The following PEX7 variants were observed in gnomAD, a reference collection of about 807,000 sequenced individuals.
PEX7 encodes the protein PTS2 receptor.
A neutral mutation model predicts 47.5 loss-of-function variants in PEX7; 34 were observed. The ratio of observed to expected loss-of-function variants is 0.72; its 90% confidence interval spans 0.54 to 0.95. PEX7 has a LOEUF of 0.95. Among genes scored for constraint, PEX7 ranks in the 40% least tolerant of loss-of-function variants. The probability of loss-of-function intolerance (pLI) is 0.00; values close to 1 mark genes in which losing one functional copy is unlikely to be tolerated. For synonymous variants in PEX7, 141 were observed against 148.8 expected (o/e 0.95, Z 0.38); for missense variants, 394 against 400.3 (o/e 0.98, Z 0.13).
intron 9 of PEX7, chr6:136,901,318 G>A (rs1364808488): frequency 6.6e-6 from 1 of 152,198 alleles, no homozygotes; most frequent in East Asian, 1.9e-4. Flanking sequence ...CCAGGACTTA[G>A]TGGCGTAAAA....
intron 5 of PEX7, chr6:136,855,630 G>A (rs987389041): frequency 7.6e-5 from 19 of 249,566 alleles, no homozygotes; most frequent in Admixed American, 4.3e-4. Context: ...ATGAGCCACC[G>A]TGCCCGGCCT....
In PEX7 at chr6:136,855,051, G is replaced by A. The variant is rs77376863; in HGVS notation, c.526+8870G>A. Among the ~76,000 whole-genome samples, 400 of 151,200 alleles carry A rather than the reference G, an allele frequency of 2.6e-3. 2 individuals are homozygous for A. Among genetic ancestry groups the A allele is most frequent in the African/African-American group, 8.5e-3 (351 of 41,126 alleles). ...TGCAGTGAGCCGAGATAGCGCCACC[G>A]TACCCCAGCCTGGGCAACAGAGCAA... On this transcript the variant is annotated intron_variant, in intron 5 of 9. Transcript: ENST00000318471.
At chr6:136,858,350 CT>C (rs1774899774) in intron 5 of PEX7, among the ~76,000 whole-genome samples, 1 of 152,144 alleles carries the variant, frequency 6.6e-6, no homozygotes, top group Non-Finnish European at 1.5e-5. Flanking sequence ...TGTATATGTG[CT>C]GTAACAGTGG....
Position 136,846,197 on chromosome 6 carries a change from T to G in PEX7, c.526+16T>G. The G allele has an allele frequency of 6.5e-7, 1 of 1,530,912 alleles. No individual in the cohort carries two copies. The highest frequency in any genetic ancestry group is 1.1e-5 in the South Asian group (1 of 88,908). 94.8% of individuals were successfully genotyped at this position (1,530,912 alleles called of 1,614,324 possible). A position where few individuals can be genotyped will look rare whatever the true frequency, so the allele number is the denominator to read the frequency against. ...TCAGCCTCAGGTAAATTATTCTGTA[T>G]TTACCAAAAGCCTTACTTGTAGTGA... On this transcript the variant is annotated intron_variant, in intron 5 of 9. Transcript: ENST00000318471.
chr6:136,835,868 G>A (rs947295553), intron 3 of PEX7, among the ~76,000 whole-genome samples: 1 of 152,086 alleles, frequency 6.6e-6, no homozygotes, highest in African/African-American at 2.4e-5. Context: ...TAACCTCAAA[G>A]TTTCTAAAAT....
chr6:136,827,182 A>G lies in PEX7; in HGVS notation c.339+713A>G, dbSNP rs74804829. Among the ~76,000 whole-genome samples the G allele has an allele frequency of 3.0e-3, 451 of 152,328 alleles. 3 individuals carry two copies. The highest frequency in any genetic ancestry group is 0.01 in the African/African-American group (433 of 41,562). ...AGTGCCTGGCCCGAGAAGGCCCTCA[A>G]TAAATGCTTATTAGATGCAAGAATA... On this transcript the variant is annotated intron_variant, in intron 3 of 9. Coordinates refer to ENST00000318471, the MANE Select transcript of PEX7 (RefSeq NM_000288.4).
At chr6:136,836,680 T>C (rs1171367999) in intron 3 of PEX7, among the ~76,000 whole-genome samples, 1 of 152,036 alleles carries the variant, frequency 6.6e-6, no homozygotes, top group Non-Finnish European at 1.5e-5. Context: ...GGCCTGGGCA[T>C]AGTGGTTCAC....
At chr6:136,858,439 G>A (rs1311636316) in intron 5 of PEX7, among the ~76,000 whole-genome samples, 1 of 152,200 alleles carries the variant, frequency 6.6e-6, no homozygotes, top group African/African-American at 2.4e-5. Flanking sequence ...GGAAAGCATG[G>A]TTGTATAGTA....
chr6:136,906,892 A>G (rs1775854546), intron 9 of PEX7, among the ~76,000 whole-genome samples: 4 of 152,190 alleles, frequency 2.6e-5, no homozygotes, highest in Admixed American at 2.6e-4. Context: ...AACCTTCAAG[A>G]GGAAGCCCAT....
intron 3 of PEX7, among the ~76,000 whole-genome samples, chr6:136,835,791 TA>T (rs1774375102): frequency 1.3e-5 from 2 of 152,330 alleles, no homozygotes; most frequent in South Asian, 4.1e-4. Context: ...AATATAGATT[TA>T]AAAAACCTTT....
chr6:136,872,298 A>T, intron 8 of PEX7, 45 bp downstream of exon 8: 1 of 1,491,348 alleles, frequency 6.7e-7, no homozygotes, highest in Non-Finnish European at 9.3e-7. Flanking sequence ...ACCAGGTAAC[A>T]TTTGCATCTT....
chr6:136,909,529 G>C (rs182140137), intron 9 of PEX7, among the ~76,000 whole-genome samples: 162 of 152,246 alleles, frequency 1.1e-3, no homozygotes, highest in African/African-American at 3.1e-3. Context: ...TCCTTACCAG[G>C]AAGTTCCTAC....
chr6:136,850,149 G>C (rs1032742566), intron 5 of PEX7, among the ~76,000 whole-genome samples: 2 of 151,696 alleles, frequency 1.3e-5, no homozygotes, highest in African/African-American at 4.8e-5. Flanking sequence ...TAAAAAAAAA[G>C]TCTGTTTTAT....
chr6:136,911,394 G>A (rs955063090), intron 9 of PEX7, among the ~76,000 whole-genome samples: 5 of 152,052 alleles, frequency 3.3e-5, no homozygotes, highest in African/African-American at 1.2e-4. Flanking sequence ...TCTTTTGTTA[G>A]TGGGTATTTT....
In PEX7 at chr6:136,872,271, A is replaced by G. The variant is rs756108456; in HGVS notation, c.803+18A>G. The G allele has an allele frequency of 3.1e-6, 5 of 1,598,074 alleles. No individual in the cohort carries two copies. The stretch of plus-strand genomic sequence containing the variant: ...ACTGTAAGGTACAGTGGTTTTTAAT[A>G]CATTTCATTGTGAAATACCAGGTAA... On this transcript the variant is annotated intron_variant, in intron 8 of 9. Transcript: ENST00000318471.
rs767644109 is a variant in PEX7, at chr6:136,868,928, G to A, written c.634-962G>A. On this transcript the variant is annotated intron_variant, in intron 6 of 9. Coordinates refer to ENST00000318471, the MANE Select transcript of PEX7 (RefSeq NM_000288.4). The stretch of plus-strand genomic sequence containing the variant: ...ACATTCTTGGATATGATTAGATATC[G>A]TATTAAGAATTTTGGTCCAAGAGAG... Among the ~76,000 whole-genome samples the A allele has an allele frequency of 1.1e-4, 16 of 152,204 alleles. 1 individual carries two copies. The South Asian group carries it at 1.7e-3, about 16-fold the overall frequency.
chr6:136,880,359 A>T (rs1775355122), intron 8 of PEX7, among the ~76,000 whole-genome samples: 2 of 152,082 alleles, frequency 1.3e-5, no homozygotes, highest in South Asian at 4.1e-4. Flanking sequence ...AAAATCTGTA[A>T]TCTAATCTTT....
rs945801055 is a variant in PEX7, at chr6:136,843,384, C to T, written c.340-2231C>T. The stretch of plus-strand genomic sequence containing the variant: ...GCCTAGAGCAGGGGTTGGCAAACTA[C>T]GTCATGTGGACCAGGACCAAATCTG... On this transcript the variant is annotated intron_variant, in intron 3 of 9. Transcript: ENST00000318471. 3.9e-5 allele frequency among the ~76,000 whole-genome samples: 6 copies of T among 152,306 alleles called. No individual in the cohort carries two copies. In the East Asian group the frequency reaches 9.6e-4, roughly 24 times the overall value.
chr6:136,859,841 G>A (rs1310008731), intron 5 of PEX7, among the ~76,000 whole-genome samples: 1 of 151,998 alleles, frequency 6.6e-6, no homozygotes, highest in African/African-American at 2.4e-5. Context: ...TGACCAACAT[G>A]GTGAGACCCC....
Sources: allele counts gnomAD v4.1 joint callset (sites outside exome capture counted in the v4.1 genomes callset), GRCh38; gene constraint gnomAD v4.1.1; transcripts MANE v1.5; gene names NCBI Gene and HGNC (gene_info 2026-07-23, HGNC 2026-07-21).